Variants in CTNNA3 observed in about 807,000 individuals in gnomAD.
CTNNA3 encodes the protein catenin alpha-3.
Under a neutral mutation model 95.7 loss-of-function variants are expected in CTNNA3, and 76 were observed. The observed-to-expected ratio is 0.79, with a 90% CI of 0.66 to 0.96. The LOEUF (loss-of-function observed/expected upper bound fraction) is 0.96, where lower values mean the gene tolerates loss of function less well. Among genes scored for constraint, CTNNA3 ranks in the 40% least tolerant of loss-of-function variants. CTNNA3 has a pLI of 0.00. For synonymous variants in CTNNA3, 431 were observed against 374.4 expected, an observed-to-expected ratio of 1.15 and a Z score of -1.74; for missense variants, 1,191 against 1,089.8, an observed-to-expected ratio of 1.09 and a Z score of -1.31.
At chr10:66,583,419 A>G (rs1018394868) in intron 10 of CTNNA3, among the ~76,000 whole-genome samples, 9 of 151,714 alleles carry the variant, frequency 5.9e-5, no homozygotes, top group African/African-American at 2.2e-4. Context: ...CGGGGGTTGT[A>G]TGTTTCCAGG....
chr10:67,365,403 C>A (rs1380805808), intron 5 of CTNNA3, among the ~76,000 whole-genome samples: 1 of 152,122 alleles, frequency 6.6e-6, no homozygotes, highest in Non-Finnish European at 1.5e-5. Flanking sequence ...AGAGCTTCTG[C>A]ACAGCAAAAG....
chr10:67,642,216 C>T (rs1269569049), intron 2 of CTNNA3, among the ~76,000 whole-genome samples: 4 of 151,944 alleles, frequency 2.6e-5, no homozygotes, highest in Non-Finnish European at 5.9e-5. Context: ...AGTTTCCTCA[C>T]AGCAAAAGAA....
chr10:66,405,609 C>CA (rs1008072864), intron 11 of CTNNA3, among the ~76,000 whole-genome samples: 14 of 152,110 alleles, frequency 9.2e-5, no homozygotes, highest in African/African-American at 3.1e-4. Flanking sequence ...CTTGAAACCA[C>CA]AAAAACATCT....
In CTNNA3 at chr10:66,280,382, A is replaced by G. The variant is rs1176888206; in HGVS notation, c.1884+88T>C. 20 of 1,172,546 alleles carry G rather than the reference A, an allele frequency of 1.7e-5. 1 individual carries two copies. Among genetic ancestry groups the G allele is most frequent in the Admixed American group, 2.1e-5 (1 of 47,232 alleles). 72.6% of individuals were successfully genotyped at this position (1,172,546 alleles called of 1,614,324 possible). On this transcript the variant is annotated intron_variant, in intron 13 of 17. Coordinates refer to ENST00000433211, the MANE Select transcript of CTNNA3 (RefSeq NM_013266.4). ...GATTTCAGCATTGACATTACAGCAT[A>G]GAAATAAAGCATTTCTTGCAGTCAT...
intron 9 of CTNNA3, among the ~76,000 whole-genome samples, chr10:66,730,663 A>T (rs1848932054): frequency 6.6e-6 from 1 of 152,184 alleles, no homozygotes; most frequent in Admixed American, 6.5e-5. Flanking sequence ...TCTTCCTATG[A>T]GCTGGAATAA....
intron 5 of CTNNA3, among the ~76,000 whole-genome samples, chr10:67,401,770 T>A (rs1010105870): frequency 6.6e-6 from 1 of 152,156 alleles, no homozygotes; most frequent in African/African-American, 2.4e-5. Context: ...AGTAGAAGCC[T>A]ATCTACTGCC....
chr10:66,284,819 C>T (rs569932266), intron 12 of CTNNA3, among the ~76,000 whole-genome samples: 1 of 151,918 alleles, frequency 6.6e-6, no homozygotes, highest in East Asian at 1.9e-4. Flanking sequence ...TCACATAATG[C>T]TAAGTCATCA....
intron 5 of CTNNA3, among the ~76,000 whole-genome samples, chr10:67,301,418 C>G (rs765044928): frequency 5.9e-5 from 9 of 152,102 alleles, no homozygotes; most frequent in Admixed American, 2.6e-4. Flanking sequence ...TCAATTAGTA[C>G]AGCCATTATA....
chr10:66,368,514 G>T (rs2132454881), intron 12 of CTNNA3, among the ~76,000 whole-genome samples: 1 of 152,100 alleles, frequency 6.6e-6, no homozygotes, highest in African/African-American at 2.4e-5. Context: ...GTTAGACTGG[G>T]ACTGCGTAGT....
intron 7 of CTNNA3, among the ~76,000 whole-genome samples, chr10:67,089,881 CA>C (rs1475354936): frequency 6.6e-6 from 1 of 151,948 alleles, no homozygotes. Flanking sequence ...ATTGTGTCTT[CA>C]TCATGTTTGT....
At chr10:66,993,565 AT>A (rs2132945005) in intron 7 of CTNNA3, among the ~76,000 whole-genome samples, 1 of 152,104 alleles carries the variant, frequency 6.6e-6, no homozygotes, top group African/African-American at 2.4e-5. Context: ...GAATCTATAA[AT>A]TTTAGAATTA....
At chr10:66,475,294 A>AC (rs1452776025) in intron 11 of CTNNA3, among the ~76,000 whole-genome samples, 1 of 151,968 alleles carries the variant, frequency 6.6e-6, no homozygotes, top group Non-Finnish European at 1.5e-5. Context: ...TAAATTTAGG[A>AC]CCCCAAAAAT....
Position 66,323,919 on chromosome 10 carries a change from G to A in CTNNA3, c.1733-43298C>T, listed in dbSNP as rs112680142. Among the ~76,000 whole-genome samples the A allele has an allele frequency of 1.0e-3, 153 of 152,046 alleles. 1 individual carries two copies. The highest frequency in any genetic ancestry group is 1.8e-3 in the Non-Finnish European group (119 of 67,924). On this transcript the variant is annotated intron_variant, in intron 12 of 17. Coordinates refer to ENST00000433211, the MANE Select transcript of CTNNA3 (RefSeq NM_013266.4). ...AATGTCTGAGTGCTGAGAGGAGTTC[G>A]GCTTGGGGTGGTCAGAGAGGAGTTT... is the stretch of plus-strand genomic sequence containing the variant.
At chr10:66,447,585 T>C (rs993853381) in intron 11 of CTNNA3, among the ~76,000 whole-genome samples, 2 of 152,186 alleles carry the variant, frequency 1.3e-5, no homozygotes, top group African/African-American at 4.8e-5. Context: ...AAGCATTCCC[T>C]ATTTAATAAA....
chr10:66,668,247 T>C (rs1002903447), intron 9 of CTNNA3, among the ~76,000 whole-genome samples: 2 of 151,292 alleles, frequency 1.3e-5, no homozygotes, highest in African/African-American at 2.5e-5. Flanking sequence ...AAAAGGAAAC[T>C]ATATAGGGGA....
chr10:66,138,200 A>T (rs943706976), intron 13 of CTNNA3, among the ~76,000 whole-genome samples: 1 of 152,150 alleles, frequency 6.6e-6, no homozygotes, highest in Non-Finnish European at 1.5e-5. Flanking sequence ...ACAAAGTTTG[A>T]AACTTTCTCC....
intron 7 of CTNNA3, among the ~76,000 whole-genome samples, chr10:66,777,114 C>A (rs1840331922): frequency 6.6e-6 from 1 of 152,116 alleles, no homozygotes; most frequent in African/African-American, 2.4e-5. Flanking sequence ...TCAGGTCAAC[C>A]TATATTTTCC....
intron 7 of CTNNA3, among the ~76,000 whole-genome samples, chr10:67,036,407 T>C (rs1854057953): frequency 1.3e-5 from 2 of 152,168 alleles, no homozygotes; most frequent in African/African-American, 4.8e-5. Flanking sequence ...TAGCGACACC[T>C]GTAACCCCAG....
At chr10:66,859,935 A>G (rs1380869433) in intron 7 of CTNNA3, among the ~76,000 whole-genome samples, 1 of 130,246 alleles carries the variant, frequency 7.7e-6, no homozygotes, top group African/African-American at 3.0e-5. Flanking sequence ...CAAACACCAC[A>G]TGTTCTCACT....
Sources: gnomAD v4.1 joint callset for allele counts (sites outside exome capture counted in the v4.1 genomes callset) on GRCh38, gnomAD v4.1.1 for gene constraint, MANE v1.5 for transcripts, NCBI Gene and HGNC (gene_info 2026-07-23, HGNC 2026-07-21) for gene names.